The following GALNT5 variants were observed in gnomAD, a reference collection of about 807,000 sequenced individuals.
The protein encoded by GALNT5 is polypeptide N-acetylgalactosaminyltransferase 5, also known as UDP-GalNAc:polypeptide N-acetylgalactosaminyltransferase 5.
In GALNT5, 72 loss-of-function variants were observed where a neutral mutation model predicts 85.4. That is an observed-to-expected ratio of 0.84 (90% CI 0.70 to 1.03). The LOEUF is 1.03. GALNT5 is among the 50% of genes least tolerant of loss of function. GALNT5 has a pLI of 0.00. For synonymous variants in GALNT5, 404 were observed against 397.0 expected, an observed-to-expected ratio of 1.02 and a Z score of -0.21; for missense variants, 1,137 against 1,135.5, an observed-to-expected ratio of 1.00 and a Z score of -0.02.
chr2:157,261,578 C>T (rs915697935), intron 1 of GALNT5, among the ~76,000 whole-genome samples: 1 of 152,198 alleles, frequency 6.6e-6, no homozygotes, highest in Non-Finnish European at 1.5e-5. Context: ...AGCTGCCTGG[C>T]GGATGCTACG....
intron 1 of GALNT5, among the ~76,000 whole-genome samples, chr2:157,281,526 A>C (rs1209694105): frequency 6.6e-6 from 1 of 152,172 alleles, no homozygotes; most frequent in African/African-American, 2.4e-5. Flanking sequence ...CTCAGAAGGA[A>C]GTGAGCGGCA....
chr2:157,307,912 C>G (rs1012437171), intron 8 of GALNT5, among the ~76,000 whole-genome samples: 1 of 152,108 alleles, frequency 6.6e-6, no homozygotes, highest in Non-Finnish European at 1.5e-5. Flanking sequence ...GGTTTCATTA[C>G]CTGAATTGGT....
At chr2:157,268,406 C>T (rs1300069898) in intron 1 of GALNT5, among the ~76,000 whole-genome samples, 1 of 152,154 alleles carries the variant, frequency 6.6e-6, no homozygotes, top group Non-Finnish European at 1.5e-5. Context: ...AGGCAGTGTG[C>T]TCCCTCAAAA....
At chr2:157,293,775 T>G (rs1683152289) in intron 3 of GALNT5, among the ~76,000 whole-genome samples, 1 of 152,226 alleles carries the variant, frequency 6.6e-6, no homozygotes, top group Non-Finnish European at 1.5e-5. Context: ...GTTTGCAGAT[T>G]TCAGTGATAA....
At chr2:157,290,112 T>TATACATATACAC (rs1416458086) in intron 3 of GALNT5, among the ~76,000 whole-genome samples, 2 of 138,234 alleles carry the variant, frequency 1.4e-5, no homozygotes, top group African/African-American at 6.2e-5. Context: ...TATATATATA[T>TATACATATACAC]ACATACACAA....
chr2:157,282,671 T>C (rs1682881269), intron 1 of GALNT5, among the ~76,000 whole-genome samples: 1 of 152,134 alleles, frequency 6.6e-6, no homozygotes. Flanking sequence ...GTAAAGCTGT[T>C]CCAAATCAGT....
rs554805403 is a variant in GALNT5, at chr2:157,296,267, G to C, written c.1878-127G>C. On this transcript the variant is annotated intron_variant, in intron 4 of 9. Coordinates refer to ENST00000259056, the MANE Select transcript of GALNT5 (RefSeq NM_014568.3). ...AACATTCTTGAACTATTATTAAAAG[G>C]TGGTGATCTAAACTCATCAAAAGCA... is the stretch of plus-strand genomic sequence containing the variant. The C allele has an allele frequency of 8.7e-4, 550 of 633,472 alleles. 1 individual carries two copies. Among genetic ancestry groups the C allele is most frequent in the Non-Finnish European group, 1.2e-3 (429 of 365,652 alleles). 39.2% of individuals were successfully genotyped at this position (633,472 alleles called of 1,614,324 possible).
At chr2:157,309,087 A>C (rs1028277573) in intron 9 of GALNT5, among the ~76,000 whole-genome samples, 1 of 152,154 alleles carries the variant, frequency 6.6e-6, no homozygotes, top group Admixed American at 6.6e-5. Context: ...TATGGGCAAC[A>C]CAGGAAGCAG....
chr2:157,300,931 A>C lies in GALNT5; in HGVS notation c.2371A>C (p.Ser791Arg), dbSNP rs1415447768. 6.2e-6 allele frequency: 10 copies of C among 1,614,130 alleles called. No homozygotes were observed. Among genetic ancestry groups the C allele is most frequent in the Non-Finnish European group, 8.5e-6 (10 of 1,179,988 alleles). ...GCTGCGAAAGAAACTGAAGTGCAAA[A>C]GTTTCAAATGGTACTTGGAGAATGT... is the stretch of plus-strand genomic sequence containing the variant. ...RELRKKLKCK[S>R]FKWYLENVFP... The change falls in exon 7 of 10, where the codon AGT becomes CGT. Residue 791 changes from serine to arginine, a missense_variant. Physicochemically the swap from Ser to Arg is moderately radical, Grantham distance 110. Coordinates refer to ENST00000259056, the MANE Select transcript of GALNT5 (RefSeq NM_014568.3).
rs1235930393 is a variant in GALNT5 at position 157,315,160 on chromosome 2, G to GA, written c.*3818dup. Among the ~76,000 whole-genome samples the GA allele has an allele frequency of 6.6e-6, 1 of 152,072 alleles. No homozygotes were observed. Among genetic ancestry groups the GA allele is most frequent in the Non-Finnish European group, 1.5e-5 (1 of 67,988 alleles). On this transcript the variant is annotated 3_prime_UTR_variant, in exon 10 of 10. Transcript: ENST00000259056. ...ACAAAAAAATGACATTGGGTGATGG[G>GA]AAAAAAGAAAGGAACTAATTATCAT...
At chr2:157,281,267 G>A (rs1682848978) in intron 1 of GALNT5, among the ~76,000 whole-genome samples, 1 of 152,122 alleles carries the variant, frequency 6.6e-6, no homozygotes, top group Non-Finnish European at 1.5e-5. Context: ...ATTTCACCAT[G>A]TTGGCCAGGC....
chr2:157,303,922 T>C (rs973806670), intron 7 of GALNT5, among the ~76,000 whole-genome samples: 2 of 152,202 alleles, frequency 1.3e-5, no homozygotes, highest in Admixed American at 6.5e-5. Context: ...TTGAGAAACA[T>C]TTGTACAACA....
In GALNT5 at chr2:157,259,293, A is replaced by G. The variant is rs1682281801; in HGVS notation, c.1211A>G (p.Glu404Gly). 1.2e-6 allele frequency: 2 copies of G among 1,608,110 alleles called. No individual in the cohort carries two copies. The highest frequency in any genetic ancestry group is 1.7e-6 in the Non-Finnish European group (2 of 1,177,694). ...INITAKAPST[E>G]YNQSHIKALL... The stretch of plus-strand genomic sequence containing the variant: ...ATAACTGCCAAAGCCCCCTCTACAG[A>G]ATACAACCAGAGTCATATAAAAGCC... Residue 404 changes from glutamate to glycine, a missense_variant, in exon 1 of 10, where the codon GAA (glutamate) becomes GGA (glycine). Coordinates refer to ENST00000259056, the MANE Select transcript of GALNT5 (RefSeq NM_014568.3).
chr2:157,271,271 T>C (rs559055136), intron 1 of GALNT5, among the ~76,000 whole-genome samples: 1 of 152,286 alleles, frequency 6.6e-6, no homozygotes, highest in Non-Finnish European at 1.5e-5. Context: ...TTCAGGGAAC[T>C]GAAAGAAGGC....
At chr2:157,265,100 A>G (rs185971191) in intron 1 of GALNT5, among the ~76,000 whole-genome samples, 36 of 152,282 alleles carry the variant, frequency 2.4e-4, no homozygotes, top group Admixed American at 2.4e-3. Flanking sequence ...TGCCTTTTGA[A>G]TAGTGTGTAT....
chr2:157,291,485 C>T (rs1384520765), intron 3 of GALNT5, among the ~76,000 whole-genome samples: 1 of 152,130 alleles, frequency 6.6e-6, no homozygotes, highest in Non-Finnish European at 1.5e-5. Context: ...GCCAAGCCAA[C>T]ATCCCTCAAG....
intron 5 of GALNT5, among the ~76,000 whole-genome samples, chr2:157,296,848 G>A (rs1683222731): frequency 6.6e-6 from 1 of 152,098 alleles, no homozygotes; most frequent in South Asian, 2.1e-4. Flanking sequence ...AAACATAAGT[G>A]CAAATTAAAA....
At chr2:157,264,371 T>G (rs1032240936) in intron 1 of GALNT5, among the ~76,000 whole-genome samples, 3 of 152,194 alleles carry the variant, frequency 2.0e-5, no homozygotes, top group Non-Finnish European at 4.4e-5. Context: ...AAAGGAATTT[T>G]TGCTGCCAGC....
chr2:157,296,514 G>T lies in GALNT5; in HGVS notation c.1997+1G>T. ...GAATTAAAGAAACTGATACAATAAG[G>T]TAAGTGTGGGAAATTTAAGACTAGA... On this transcript the variant is annotated splice_donor_variant, in intron 5 of 9. Coordinates refer to ENST00000259056, the MANE Select transcript of GALNT5 (RefSeq NM_014568.3). LOFTEE classifies it high-confidence loss of function. The T allele has an allele frequency of 1.2e-6, 2 of 1,606,694 alleles. No individual in the cohort carries two copies. Among genetic ancestry groups the T allele is most frequent in the Non-Finnish European group, 1.7e-6 (2 of 1,174,828 alleles).
Sources: allele counts gnomAD v4.1 joint callset (sites outside exome capture counted in the v4.1 genomes callset), GRCh38; gene constraint gnomAD v4.1.1; transcripts MANE v1.5; gene names NCBI Gene and HGNC (gene_info 2026-07-23, HGNC 2026-07-21).